ANO10: variants seen among roughly 807,000 people sequenced by gnomAD.
ANO10 encodes the protein anoctamin 10, also known as anoctamin-10.
A neutral mutation model predicts 74.7 loss-of-function variants in ANO10; 77 were observed. The ratio of observed to expected loss-of-function variants is 1.03; its 90% confidence interval spans 0.86 to 1.25. The LOEUF (loss-of-function observed/expected upper bound fraction) is 1.25. Ranked by LOEUF, ANO10 falls within the 50% of genes most tolerant of loss-of-function variation. The pLI is 0.00. For missense variants in ANO10, 721 were observed against 778.1 expected (o/e 0.93, Z 0.87); for synonymous variants, 279 against 284.9 (o/e 0.98, Z 0.21).
intron 11 of ANO10, among the ~76,000 whole-genome samples, chr3:43,537,129 C>G (rs1479977948): frequency 1.3e-5 from 2 of 151,894 alleles, no homozygotes; most frequent in Non-Finnish European, 2.9e-5. Context: ...AATTTAATAG[C>G]AAAGAGAAGA....
intron 11 of ANO10, among the ~76,000 whole-genome samples, chr3:43,505,739 T>C (rs943594023): frequency 2.0e-5 from 3 of 152,204 alleles, no homozygotes; most frequent in African/African-American, 7.2e-5. Context: ...GAATTTGTTA[T>C]TATTCTGCAG....
chr3:43,655,282 G>A (rs1371728786), intron 1 of ANO10, among the ~76,000 whole-genome samples: 2 of 152,096 alleles, frequency 1.3e-5, no homozygotes, highest in East Asian at 1.9e-4. Flanking sequence ...AAGGTGGCGC[G>A]TCTGGAGCTT....
At chr3:43,580,261 A>G in intron 5 of ANO10, 92 bp downstream of exon 5, 1 of 1,556,948 alleles carries the variant, frequency 6.4e-7, no homozygotes, top group Non-Finnish European at 8.8e-7. Flanking sequence ...AGAGCACTAA[A>G]TATCTGCCCA....
chr3:43,493,438 A>C (rs1160171694), intron 11 of ANO10, among the ~76,000 whole-genome samples: 1 of 152,212 alleles, frequency 6.6e-6, no homozygotes, highest in African/African-American at 2.4e-5. Context: ...TTGATGCTTC[A>C]AACAGTTGAT....
At chr3:43,379,327 A>T in intron 12 of ANO10, among the ~76,000 whole-genome samples, 1 of 152,342 alleles carries the variant, frequency 6.6e-6, no homozygotes, top group South Asian at 2.1e-4. Flanking sequence ...AAAATATTGA[A>T]TGTGCTTTTG....
chr3:43,504,296 G>GTAGGTAGATAGATAGATAGATAGATAGA (rs2077206330), intron 11 of ANO10, among the ~76,000 whole-genome samples: 2 of 98,882 alleles, frequency 2.0e-5, no homozygotes, highest in Non-Finnish European at 4.6e-5. Flanking sequence ...AGGTAGGTAG[G>GTAGGTAGATAGATAGATAGATAGATAGA]TAGGTAGATA....
chr3:43,492,917 C>A (rs1052735163), intron 11 of ANO10, among the ~76,000 whole-genome samples: 2 of 152,124 alleles, frequency 1.3e-5, no homozygotes. Context: ...TACCATTTGA[C>A]CCAGCCATCC....
chr3:43,427,309 G>C (rs939363105), intron 12 of ANO10, among the ~76,000 whole-genome samples: 14 of 152,054 alleles, frequency 9.2e-5, no homozygotes, highest in Non-Finnish European at 1.8e-4. Flanking sequence ...TGGAGACACA[G>C]GAGCATTTTA....
chr3:43,436,800 T>C (rs1054882495), intron 11 of ANO10, among the ~76,000 whole-genome samples: 1 of 152,214 alleles, frequency 6.6e-6, no homozygotes, highest in East Asian at 1.9e-4. Context: ...ACTAGAAAAC[T>C]TATGATATGA....
intron 11 of ANO10, chr3:43,485,024 C>A: frequency 6.9e-7 from 1 of 1,459,356 alleles, no homozygotes; most frequent in Non-Finnish European, 9.3e-7. Flanking sequence ...GTGCTGACGG[C>A]TCAGGACCCG....
At chr3:43,449,738 T>C (rs554979288) in intron 11 of ANO10, among the ~76,000 whole-genome samples, 1 of 93,316 alleles carries the variant, frequency 1.1e-5, no homozygotes, top group African/African-American at 3.2e-5. Context: ...GTCCTCTTTG[T>C]TTTTCTTCAG....
rs1372606678 is a variant in ANO10 at position 43,455,575 on chromosome 3, G to C, written c.1798-22848C>G. Among the ~76,000 whole-genome samples, 68 of 152,130 alleles carry C rather than the reference G, an allele frequency of 4.5e-4. 1 individual carries two copies. Among genetic ancestry groups the C allele is most frequent in the Admixed American group, 4.5e-3 (68 of 15,276 alleles). On this transcript the variant is annotated intron_variant, in intron 11 of 12. Transcript: ENST00000292246. ...GGTACTGTAAATCAACTAGTTAGCAGGATAGGAGGGCAGTCTTCCATCTCA... is the reference window on the plus strand; with the variant it reads ...GGTACTGTAAATCAACTAGTTAGCACGATAGGAGGGCAGTCTTCCATCTCA...
chr3:43,612,612 T>C (rs2082884582), intron 1 of ANO10, among the ~76,000 whole-genome samples: 1 of 152,202 alleles, frequency 6.6e-6, no homozygotes, highest in Non-Finnish European at 1.5e-5. Context: ...GACTTTGGAC[T>C]TACTTATTCT....
chr3:43,630,659 G>A (rs985795459), intron 1 of ANO10, among the ~76,000 whole-genome samples: 1 of 152,306 alleles, frequency 6.6e-6, no homozygotes, highest in Non-Finnish European at 1.5e-5. Context: ...GTCCCCCAGA[G>A]CACAAGTAAC....
chr3:43,540,408 CAG>C (rs1349613469), intron 11 of ANO10, among the ~76,000 whole-genome samples: 1 of 152,180 alleles, frequency 6.6e-6, no homozygotes, highest in Non-Finnish European at 1.5e-5. Context: ...AATGTAAAAA[CAG>C]AATCTGGCTG....
intron 12 of ANO10, among the ~76,000 whole-genome samples, chr3:43,405,277 TG>T (rs1377753733): frequency 6.6e-6 from 1 of 152,192 alleles, no homozygotes; most frequent in East Asian, 1.9e-4. Context: ...GGAGGAATTC[TG>T]GGGCAAGAGG....
In ANO10 at chr3:43,574,702, A is replaced by G. The variant is rs373984956; in HGVS notation, c.1218+107T>C. On this transcript the variant is annotated intron_variant, in intron 7 of 12. Transcript: ENST00000292246. ...CAATCCTTGCCTATTTGCACAAAATATATTGATATCTTAGATTAGAAGCAA... is the reference window on the plus strand; with the variant it reads ...CAATCCTTGCCTATTTGCACAAAATGTATTGATATCTTAGATTAGAAGCAA... 7.8e-6 allele frequency: 7 copies of G among 896,580 alleles called. No homozygotes were observed. In the East Asian group the frequency reaches 1.3e-4, roughly 17 times the overall value. The allele number at this position is 896,580 out of a possible 1,614,324, so 55.5% of individuals were successfully genotyped here.
chr3:43,458,353 T>C (rs2075231416), intron 11 of ANO10, among the ~76,000 whole-genome samples: 1 of 152,164 alleles, frequency 6.6e-6, no homozygotes, highest in African/African-American at 2.4e-5. Flanking sequence ...TCACAAAGAA[T>C]CCAGGATACC....
chr3:43,599,733 G>A (rs899195610), intron 3 of ANO10, among the ~76,000 whole-genome samples: 1 of 151,774 alleles, frequency 6.6e-6, no homozygotes, highest in Non-Finnish European at 1.5e-5. Flanking sequence ...GTGAAACCCC[G>A]TCTCTATTAA....
Sources: allele counts gnomAD v4.1 joint callset (sites outside exome capture counted in the v4.1 genomes callset), GRCh38; gene constraint gnomAD v4.1.1; transcripts MANE v1.5; gene names NCBI Gene and HGNC (gene_info 2026-07-23, HGNC 2026-07-21).